The following LMNB2 variants were observed in gnomAD, a reference collection of about 807,000 sequenced individuals.
LMNB2 encodes lamin B2.
In LMNB2, 17 loss-of-function variants were observed where a neutral mutation model predicts 69.3. That is an observed-to-expected ratio of 0.25 (90% CI 0.17 to 0.37). The LOEUF is 0.37. Among genes scored for constraint, LMNB2 ranks in the 10% least tolerant of loss-of-function variants. The pLI is 1.00. For synonymous variants in LMNB2, 397 were observed against 389.3 expected, an observed-to-expected ratio of 1.02 and a Z score of -0.23; for missense variants, 789 against 883.6, an observed-to-expected ratio of 0.89 and a Z score of 1.36.
chr19:2,444,951 G>A (rs971158026), intron 1 of LMNB2, among the ~76,000 whole-genome samples: 1 of 152,242 alleles, frequency 6.6e-6, no homozygotes, highest in African/African-American at 2.4e-5. Flanking sequence ...AGCCACACCT[G>A]GACATGCAGC....
chr19:2,451,398 A>G (rs778542300), intron 1 of LMNB2, among the ~76,000 whole-genome samples: 2 of 152,200 alleles, frequency 1.3e-5, no homozygotes, highest in Non-Finnish European at 2.9e-5. Flanking sequence ...CTTTCATCCT[A>G]TGGCAGAGCT....
intron 1 of LMNB2, among the ~76,000 whole-genome samples, chr19:2,452,028 G>GACACGGGCC (rs894280056): frequency 7.2e-5 from 11 of 152,076 alleles, no homozygotes; most frequent in Admixed American, 2.0e-4. Context: ...CCCGCGCCTG[G>GACACGGGCC]ACACGGGCCA....
chr19:2,441,390 T>G (rs531429135), intron 2 of LMNB2, among the ~76,000 whole-genome samples: 2 of 152,358 alleles, frequency 1.3e-5, no homozygotes, highest in Non-Finnish European at 2.9e-5. Context: ...GCCACAAGGC[T>G]GATGCACCCC....
chr19:2,432,023 G>A lies in LMNB2; in HGVS notation c.1591-121C>T, dbSNP rs374260241. ...CCTGGGCGTTCAGTCCTTCCAGCCCGACGCAGGCTTATCCAGGGTGATGGT... is the reference window on the plus strand; with the variant it reads ...CCTGGGCGTTCAGTCCTTCCAGCCCAACGCAGGCTTATCCAGGGTGATGGT... On this transcript the variant is annotated intron_variant, in intron 9 of 11. Coordinates refer to ENST00000325327, the MANE Select transcript of LMNB2 (RefSeq NM_032737.4). 1,001 of 1,285,664 alleles carry A rather than the reference G, an allele frequency of 7.8e-4. 16 individuals carry two copies. The South Asian group carries it at 8.7e-3, about 11-fold the overall frequency. 79.6% of individuals were successfully genotyped at this position (1,285,664 alleles called of 1,614,324 possible).
chr19:2,435,002 T>G lies in LMNB2; in HGVS notation c.854A>C (p.Lys285Thr). ...CGCCCACCCGCCTGCCGGCCACACC[T>G]TGGCCTGGTAGGTCTGCTCCAGCTC... ...KLELEQTYQAKLDSAKLSSDQ... is the reference protein window; with the variant it reads ...KLELEQTYQATLDSAKLSSDQ... The change falls in exon 5 of 12, where the codon AAG becomes ACG. Residue 285 changes from lysine (K) to threonine (T), a missense_variant and splice_region_variant. Lys to Thr is a moderately conservative substitution (Grantham distance 78). This residue lies in a region of LMNB2 where 609 missense variants were observed against 630.9 expected (regional missense o/e 0.97). Transcript: ENST00000325327. The G allele has an allele frequency of 7.4e-7, 1 of 1,345,102 alleles. No homozygotes were observed. Among genetic ancestry groups the G allele is most frequent in the Non-Finnish European group, 1.0e-6 (1 of 1,003,130 alleles). 83.3% of individuals were successfully genotyped at this position (1,345,102 alleles called of 1,614,324 possible).
chr19:2,437,723 C>T (rs1453864968), intron 4 of LMNB2, among the ~76,000 whole-genome samples: 1 of 148,752 alleles, frequency 6.7e-6, no homozygotes, highest in African/African-American at 2.5e-5. Flanking sequence ...TTGCTTGAAC[C>T]TGGGAGGCGG....
At position 2,447,180 on chromosome 19, in the gene LMNB2, A is replaced by C. The variant is rs542109605; in HGVS notation, c.265-2640T>G. Among the ~76,000 whole-genome samples, 7 of 152,234 alleles carry C rather than the reference A, an allele frequency of 4.6e-5. No homozygotes were observed. The South Asian group carries it at 8.3e-4, about 18-fold the overall frequency. ...ATAAATAAATAAAATGAAAAATAAAAATAAATAAAAAAATAAAAGCAATGC... is the reference window on the plus strand; with the variant it reads ...ATAAATAAATAAAATGAAAAATAAACATAAATAAAAAAATAAAAGCAATGC... On this transcript the variant is annotated intron_variant, in intron 1 of 11. Coordinates refer to ENST00000325327, the MANE Select transcript of LMNB2 (RefSeq NM_032737.4). The surrounding 1 kb of genome is among the most constrained non-coding windows in gnomAD (Gnocchi z 4.4).
In LMNB2 at chr19:2,438,060, G is replaced by T. The variant is rs1971848769; in HGVS notation, c.684+103C>A. The T allele has an allele frequency of 1.9e-6, 3 of 1,560,782 alleles. No homozygotes were observed. The South Asian group carries it at 3.3e-5, about 17-fold the overall frequency. On this transcript the variant is annotated intron_variant, in intron 4 of 11. Coordinates refer to ENST00000325327, the MANE Select transcript of LMNB2 (RefSeq NM_032737.4). ...AGGAGCCTCCCTAGAGCCGTGGGAG[G>T]GACCCCGGCCACACGGTGCCCTCAG...
rs979985011 is a variant in LMNB2 at position 2,430,115 on chromosome 19, G to A, written c.*796C>T. On this transcript the variant is annotated 3_prime_UTR_variant, in exon 12 of 12. Transcript: ENST00000325327. ...TGAAACTCACAGCTTCTGCCTCCAA[G>A]GCAACCAGATGTGTCCCCTCCACAT... 2 of 153,168 alleles carry A rather than the reference G, an allele frequency of 1.3e-5. No homozygotes were observed. The highest frequency in any genetic ancestry group is 4.8e-5 in the African/African-American group (2 of 41,428). The allele number at this position is 153,168 out of a possible 1,614,324, so 9.5% of individuals were successfully genotyped here.
At chr19:2,431,472 C>T in intron 11 of LMNB2, 76 bp downstream of exon 11, 2 of 1,597,266 alleles carry the variant, frequency 1.3e-6, no homozygotes, top group South Asian at 2.2e-5. Context: ...GGCCAGCACG[C>T]ATGTGTATGT....
At chr19:2,452,902 C>T (rs1972042128) in intron 1 of LMNB2, among the ~76,000 whole-genome samples, 1 of 150,922 alleles carries the variant, frequency 6.6e-6, no homozygotes, top group Non-Finnish European at 1.5e-5. Context: ...GCTGCGTCAT[C>T]CTCGTGGGGG....
chr19:2,437,467 G>A (rs922195318), intron 4 of LMNB2, among the ~76,000 whole-genome samples: 21 of 152,266 alleles, frequency 1.4e-4, no homozygotes, highest in Non-Finnish European at 2.6e-4. Flanking sequence ...CAAGCTTTTA[G>A]AAAGGCAAGA....
chr19:2,436,836 T>C, intron 4 of LMNB2: 1 of 152,880 alleles, frequency 6.5e-6, no homozygotes, highest in Non-Finnish European at 1.5e-5. Context: ...TCAAGCTCCC[T>C]ACCGCAGCTC....
intron 7 of LMNB2, 60 bp from the exon 8 acceptor site, chr19:2,434,165 G>A: frequency 8.4e-6 from 13 of 1,552,902 alleles, no homozygotes; most frequent in Admixed American, 3.8e-5. Flanking sequence ...CCCAGGGCAC[G>A]CAGAGTGGCG....
At chr19:2,435,292 G>T in intron 4 of LMNB2, 121 bp from the exon 5 acceptor site, 1 of 1,378,908 alleles carries the variant, frequency 7.3e-7, no homozygotes, top group East Asian at 2.5e-5. Flanking sequence ...TTGTGCACAA[G>T]TTACAAACCG....
intron 4 of LMNB2, 86 bp downstream of exon 4, chr19:2,438,077 T>A: frequency 1.3e-6 from 2 of 1,591,044 alleles, no homozygotes; most frequent in Non-Finnish European, 1.7e-6. Flanking sequence ...GGCCACACGG[T>A]GCCCTCAGGC....
At chr19:2,449,972 G>A (rs1972001296) in intron 1 of LMNB2, among the ~76,000 whole-genome samples, 1 of 152,064 alleles carries the variant, frequency 6.6e-6, no homozygotes, top group African/African-American at 2.4e-5. Context: ...CTACCCAGGA[G>A]GCTGAGGCAG....
chr19:2,444,629 A>G, intron 1 of LMNB2, 89 bp from the exon 2 acceptor site: 1 of 1,535,706 alleles, frequency 6.5e-7, no homozygotes, highest in Non-Finnish European at 8.9e-7. Flanking sequence ...CCCTGCTCAG[A>G]TTCCCAGGGA....
At position 2,429,965 on chromosome 19, in the gene LMNB2, C is replaced by T. The variant is rs911260034; in HGVS notation, c.*946G>A. 2.6e-5 allele frequency: 4 copies of T among 152,144 alleles called. No homozygotes were observed. The highest frequency in any genetic ancestry group is 7.3e-5 in the African/African-American group (3 of 41,366). 9.4% of individuals were successfully genotyped at this position (152,144 alleles called of 1,614,324 possible). Reference sequence around the variant, plus strand: ...TCAGCGAGAAAATCACAGATAAAAGCACAGTATGGATAGACGCATGTGTAT... The same window carrying T: ...TCAGCGAGAAAATCACAGATAAAAGTACAGTATGGATAGACGCATGTGTAT... On this transcript the variant is annotated 3_prime_UTR_variant, in exon 12 of 12. Transcript: ENST00000325327.
Sources: allele counts gnomAD v4.1 joint callset (sites outside exome capture counted in the v4.1 genomes callset), GRCh38; gene constraint gnomAD v4.1.1; regional missense constraint gnomAD v4.1.1; non-coding constraint Gnocchi (gnomAD v3.1); transcripts MANE v1.5; gene names NCBI Gene and HGNC (gene_info 2026-07-23, HGNC 2026-07-21).